The following ENPP2 variants were observed in gnomAD, a reference collection of about 807,000 sequenced individuals.
ENPP2 encodes the protein autotaxin.
In ENPP2, 51 loss-of-function variants were observed where a neutral mutation model predicts 120.2. The observed-to-expected ratio is 0.42, with a 90% CI of 0.34 to 0.54. The LOEUF is 0.54. Among genes scored for constraint, ENPP2 ranks in the 20% least tolerant of loss-of-function variants. ENPP2 has a pLI of 0.04. For missense variants in ENPP2, 920 were observed against 1,066.5 expected (o/e 0.86, Z 1.91); for synonymous variants, 365 against 366.4 (o/e 1.00, Z 0.04).
At chr8:119,630,881 T>C (rs1816614024) in intron 2 of ENPP2, among the ~76,000 whole-genome samples, 1 of 151,812 alleles carries the variant, frequency 6.6e-6, no homozygotes. Context: ...TGAGCTGCTA[T>C]CTCTTTTTTT....
At chr8:119,565,069 G>A (rs1814304190) in intron 22 of ENPP2, 114 bp from the exon 23 acceptor site, 1 of 807,742 alleles carries the variant, frequency 1.2e-6, no homozygotes, top group Admixed American at 2.5e-5. Context: ...CAAGAGACAA[G>A]AGAGCTGTCG....
chr8:119,637,925 C>T (rs370930315), intron 2 of ENPP2, among the ~76,000 whole-genome samples: 1 of 152,140 alleles, frequency 6.6e-6, no homozygotes, highest in Non-Finnish European at 1.5e-5. Context: ...TCTTTAAACA[C>T]CTCCTCTCTT....
chr8:119,640,370 C>A (rs562721420), upstream of ENPP2, among the ~76,000 whole-genome samples: 1 of 152,212 alleles, frequency 6.6e-6, no homozygotes, highest in South Asian at 2.1e-4. Flanking sequence ...TGTTAAATTT[C>A]AAGATACAAG....
intron 2 of ENPP2, 97 bp from the exon 3 acceptor site, chr8:119,626,817 G>GAGTCC: frequency 6.4e-6 from 7 of 1,087,762 alleles, no homozygotes; most frequent in South Asian, 1.4e-5. Context: ...TGCTGCAGTG[G>GAGTCC]ACTCTGGAGG....
intron 12 of ENPP2, among the ~76,000 whole-genome samples, chr8:119,591,416 A>T (rs1813497019): frequency 6.6e-6 from 1 of 152,224 alleles, no homozygotes; most frequent in African/African-American, 2.4e-5. Flanking sequence ...TTCTTTTATT[A>T]AAATGCTTTT....
intron 19 of ENPP2, among the ~76,000 whole-genome samples, chr8:119,574,143 A>T (rs1812171025): frequency 6.6e-6 from 1 of 152,094 alleles, no homozygotes; most frequent in Admixed American, 6.5e-5. Flanking sequence ...TTATTTTTTC[A>T]GTTTATCAAA....
intron 9 of ENPP2, among the ~76,000 whole-genome samples, chr8:119,607,380 T>C (rs1161028898): frequency 6.6e-6 from 1 of 152,074 alleles, no homozygotes; most frequent in East Asian, 1.9e-4. Context: ...TCTTACATTC[T>C]GTTGAGAGGA....
chr8:119,616,906 T>G (rs1235847090), intron 7 of ENPP2, among the ~76,000 whole-genome samples: 2 of 152,168 alleles, frequency 1.3e-5, no homozygotes, highest in African/African-American at 4.8e-5. Context: ...CCCTCTGGTA[T>G]TTGAGAGAAG....
upstream of ENPP2, among the ~76,000 whole-genome samples, chr8:119,639,678 A>C (rs1273662770): frequency 1.3e-5 from 2 of 152,174 alleles, no homozygotes; most frequent in African/African-American, 4.8e-5. Context: ...CTTTATTAGC[A>C]ATTGAATTTA....
rs768897249 is a variant in ENPP2 at position 119,587,062 on chromosome 8, G to A, written c.1221C>T (p.Ala407=). ...FSNNAKYDPK[A]IIANLTCKKP... ...CACTTACCGTGAGATTGGCAATAAT[G>A]GCTTTGGGGTCATCTGTTCAAAGAG... is the stretch of plus-strand genomic sequence containing the variant. Residue 407 remains alanine (A), a synonymous_variant, in exon 14 of 25, where the codon GCC becomes GCT. Transcript: ENST00000075322. 5 of 1,608,976 alleles carry A rather than the reference G, an allele frequency of 3.1e-6. No individual in the cohort carries two copies. In the Admixed American group the frequency reaches 5.1e-5, roughly 16 times the overall value.
intron 1 of ENPP2, among the ~76,000 whole-genome samples, chr8:119,659,459 C>T (rs1817861779): frequency 6.6e-6 from 1 of 152,156 alleles, no homozygotes; most frequent in African/African-American, 2.4e-5. Flanking sequence ...TTACAAAACC[C>T]TGCTGATGTT....
rs763576284 is a variant in ENPP2, at chr8:119,582,477, T to C, written c.1669A>G (p.Met557Val). Residue 557 changes from methionine to valine, a missense_variant, in exon 18 of 25, where the codon ATG becomes GTG. Physicochemically the swap from Met to Val is conservative, Grantham distance 21. Transcript: ENST00000075322. ...AGGTCAAAATCAGACTGAAGGTACA[T>C]AATCCCTGGATAATTGGGTCTGGTA... is the stretch of plus-strand genomic sequence containing the variant. ...EVTRPNYPGI[M>V]YLQSDFDLGC... is the part of the protein sequence containing the mutation. 1.2e-6 allele frequency: 2 copies of C among 1,614,106 alleles called. No homozygotes were observed. Among genetic ancestry groups the C allele is most frequent in the Admixed American group, 1.7e-5 (1 of 60,022 alleles).
At chr8:119,622,995 C>T (rs1816012347) in intron 3 of ENPP2, among the ~76,000 whole-genome samples, 1 of 152,058 alleles carries the variant, frequency 6.6e-6, no homozygotes, top group African/African-American at 2.4e-5. Context: ...ATAGGTGCTA[C>T]TCCAGGAAGT....
chr8:119,598,238 A>G (rs1374241848), intron 11 of ENPP2, among the ~76,000 whole-genome samples: 2 of 152,218 alleles, frequency 1.3e-5, no homozygotes, highest in Non-Finnish European at 2.9e-5. Context: ...ATCTGAAAAT[A>G]TCCTTTGCCT....
chr8:119,573,407 T>TAAAAAAAAAAAA (rs1563680979), intron 19 of ENPP2, among the ~76,000 whole-genome samples: 48 of 71,538 alleles, frequency 6.7e-4, no homozygotes, highest in African/African-American at 3.3e-3. Context: ...GCTCCGTCTC[T>TAAAAAAAAAAAA]TAAAAAAAAA....
intron 23 of ENPP2, among the ~76,000 whole-genome samples, chr8:119,563,523 A>G (rs960155844): frequency 6.6e-6 from 1 of 152,116 alleles, no homozygotes; most frequent in Admixed American, 6.5e-5. Flanking sequence ...GAGAATAATG[A>G]CCCTTTCAAG....
intron 13 of ENPP2, 73 bp from the exon 14 acceptor site, chr8:119,587,148 A>T: frequency 1.6e-6 from 2 of 1,235,580 alleles, no homozygotes; most frequent in Admixed American, 2.0e-5. Context: ...TTGCAGCAAG[A>T]TACTCAATTC....
At chr8:119,655,852 G>C (rs1817753600) in intron 1 of ENPP2, among the ~76,000 whole-genome samples, 1 of 152,146 alleles carries the variant, frequency 6.6e-6, no homozygotes, top group African/African-American at 2.4e-5. Context: ...GGTATTTCTT[G>C]CAACAGCACA....
intron 2 of ENPP2, among the ~76,000 whole-genome samples, chr8:119,630,668 T>C (rs1331738656): frequency 6.6e-6 from 1 of 152,144 alleles, no homozygotes; most frequent in Admixed American, 6.5e-5. Context: ...CCAAGATGTA[T>C]CTCAAAAGAA....
Sources: allele counts gnomAD v4.1 joint callset (sites outside exome capture counted in the v4.1 genomes callset), GRCh38; gene constraint gnomAD v4.1.1; transcripts MANE v1.5; gene names NCBI Gene and HGNC (gene_info 2026-07-23, HGNC 2026-07-21).